CXCR5: variants seen among roughly 807,000 people sequenced by gnomAD.
The protein encoded by CXCR5 is C-X-C chemokine receptor type 5.
A neutral mutation model predicts 5.6 loss-of-function variants in CXCR5; 3 were observed. That is an observed-to-expected ratio of 0.54 (90% confidence interval 0.24 to 1.39). The LOEUF is 1.39. CXCR5 is among the 40% of genes most tolerant of loss of function. The pLI is 0.16. For synonymous variants in CXCR5, 218 were observed against 219.9 expected, an observed-to-expected ratio of 0.99 and a Z score of 0.08; for missense variants, 333 against 494.6, an observed-to-expected ratio of 0.67 and a Z score of 3.10.
Position 118,894,117 on chromosome 11 carries a change from C to T in CXCR5, c.573C>T (p.Ser191=). The part of the protein sequence containing the change: ...ALPEILFAKV[S]QGHHNNSLPR... ...CAGAGATTCTCTTCGCCAAAGTCAG[C>T]CAAGGCCATCACAACAACTCCCTGC... The change falls in exon 2 of 2, where the codon AGC becomes AGT. Residue 191 remains serine (S), a synonymous_variant. Coordinates refer to ENST00000292174, the MANE Select transcript of CXCR5 (RefSeq NM_001716.5). The surrounding 1 kb of genome is among the most constrained non-coding windows in gnomAD (Gnocchi z 6.1). 1 of 1,614,044 alleles carries T rather than the reference C, an allele frequency of 6.2e-7. No homozygotes were observed. The highest frequency in any genetic ancestry group is 8.5e-7 in the Non-Finnish European group (1 of 1,180,040).
chr11:118,886,454 A>G (rs1433354299), intron 1 of CXCR5: 1 of 410,118 alleles, frequency 2.4e-6, no homozygotes, highest in African/African-American at 2.2e-5. Context: ...GCCGCTTAAA[A>G]TGTCCACTTC....
Position 118,894,825 on chromosome 11 carries a change from A to G in CXCR5, c.*162A>G. The G allele has an allele frequency of 1.6e-6, 1 of 609,004 alleles. No individual in the cohort carries two copies. The highest frequency in any genetic ancestry group is 2.6e-6 in the Non-Finnish European group (1 of 388,568). The allele number at this position is 609,004 out of a possible 1,614,324, so 37.7% of individuals were successfully genotyped here. A position where few individuals can be genotyped will look rare whatever the true frequency, so the allele number is the denominator to read the frequency against. On this transcript the variant is annotated 3_prime_UTR_variant, in exon 2 of 2. Coordinates refer to ENST00000292174, the MANE Select transcript of CXCR5 (RefSeq NM_001716.5). The surrounding 1 kb of genome is among the most constrained non-coding windows in gnomAD (Gnocchi z 6.1). ...AGAGGAACCAACCCCCATTTCTAGA[A>G]CATCCCTGCCAGCTCTTCTGCCGGC... is the stretch of plus-strand genomic sequence containing the variant.
At chr11:118,890,454 C>T (rs1039141148) in intron 1 of CXCR5, among the ~76,000 whole-genome samples, 1 of 151,852 alleles carries the variant, frequency 6.6e-6, no homozygotes, top group African/African-American at 2.4e-5. Context: ...AAGAGGGGAG[C>T]CGGGAAGGAT....
At chr11:118,890,675 G>A (rs1298378196) in intron 1 of CXCR5, among the ~76,000 whole-genome samples, 6 of 152,198 alleles carry the variant, frequency 3.9e-5, no homozygotes, top group Non-Finnish European at 7.3e-5. Context: ...ATACATTTGG[G>A]AAGAACATAA....
intron 1 of CXCR5, among the ~76,000 whole-genome samples, chr11:118,891,392 C>T (rs1303047853): frequency 6.6e-6 from 1 of 151,802 alleles, no homozygotes; most frequent in Non-Finnish European, 1.5e-5. Context: ...CAGGCTGGAG[C>T]GTAGCAGCAT....
chr11:118,891,732 G>A (rs903560887), intron 1 of CXCR5, among the ~76,000 whole-genome samples: 11 of 151,996 alleles, frequency 7.2e-5, no homozygotes, highest in Non-Finnish European at 1.6e-4. Context: ...TTACCTAGGT[G>A]TGGTGGCAGA....
chr11:118,894,343 A>G lies in CXCR5; in HGVS notation c.799A>G (p.Ile267Val). ...AVRVAILVTSIFFLCWSPYHI... is the reference protein window; with the variant it reads ...AVRVAILVTSVFFLCWSPYHI... ...CAGGGTGGCCATCCTGGTGACAAGCATCTTCTTCCTCTGCTGGTCACCCTA... is the reference window on the plus strand; with the variant it reads ...CAGGGTGGCCATCCTGGTGACAAGCGTCTTCTTCCTCTGCTGGTCACCCTA... The change falls in exon 2 of 2, where the codon ATC becomes GTC. Residue 267 changes from isoleucine to valine, a missense_variant. Physicochemically the swap from Ile to Val is conservative, Grantham distance 29. Transcript: ENST00000292174. The surrounding 1 kb of genome is among the most constrained non-coding windows in gnomAD (Gnocchi z 6.1). The G allele has an allele frequency of 1.2e-6, 2 of 1,614,168 alleles. No individual in the cohort carries two copies. Among genetic ancestry groups the G allele is most frequent in the Admixed American group, 3.3e-5 (2 of 60,028 alleles).
intron 1 of CXCR5, among the ~76,000 whole-genome samples, chr11:118,888,508 GACCA>G (rs1218286462): frequency 6.6e-6 from 1 of 152,116 alleles, no homozygotes; most frequent in Non-Finnish European, 1.5e-5. Context: ...TCCTTGTCCA[GACCA>G]ACCAAACTGG....
chr11:118,884,775 A>G (rs971351977), intron 1 of CXCR5, among the ~76,000 whole-genome samples: 3 of 152,164 alleles, frequency 2.0e-5, no homozygotes, highest in Non-Finnish European at 2.9e-5. Context: ...TCTCCAGTGA[A>G]GCGTAGTGGT....
intron 1 of CXCR5, among the ~76,000 whole-genome samples, chr11:118,890,847 A>C (rs557386400): frequency 3.8e-4 from 58 of 152,062 alleles, no homozygotes; most frequent in African/African-American, 1.4e-3. Flanking sequence ...CCCCAACACC[A>C]CTCCCCACTC....
intron 1 of CXCR5, 27 bp downstream of exon 1, chr11:118,884,019 C>A: frequency 1.2e-6 from 2 of 1,608,334 alleles, no homozygotes; most frequent in Non-Finnish European, 1.7e-6. Context: ...AGCTTCCTGT[C>A]GCCGAGGCCC....
chr11:118,894,333 G>A lies in CXCR5; in HGVS notation c.789G>A (p.Leu263=). The A allele has an allele frequency of 6.2e-7, 1 of 1,614,174 alleles. No individual in the cohort carries two copies. Among genetic ancestry groups the A allele is most frequent in the Non-Finnish European group, 8.5e-7 (1 of 1,180,034 alleles). ...QRQKAVRVAI[L]VTSIFFLCWS... The stretch of plus-strand genomic sequence containing the variant: ...AGAAGGCAGTCAGGGTGGCCATCCT[G>A]GTGACAAGCATCTTCTTCCTCTGCT... The change falls in exon 2 of 2, where the codon CTG becomes CTA. Residue 263 remains leucine, a synonymous_variant. Coordinates refer to ENST00000292174, the MANE Select transcript of CXCR5 (RefSeq NM_001716.5). The surrounding 1 kb of genome is among the most constrained non-coding windows in gnomAD (Gnocchi z 6.1).
At chr11:118,885,166 G>T (rs561604602) in intron 1 of CXCR5, among the ~76,000 whole-genome samples, 2 of 152,306 alleles carry the variant, frequency 1.3e-5, no homozygotes, top group East Asian at 3.9e-4. Flanking sequence ...AGGCTGGGAA[G>T]TGTAAGTAGG....
At position 118,894,781 on chromosome 11, in the gene CXCR5, A is replaced by G. The variant is rs1416745820; in HGVS notation, c.*118A>G. ...CCGTGGCTAAGAGTGTCCTAGGAGT[A>G]TCCTCATTTGGGGTAGCTAGAGGAA... On this transcript the variant is annotated 3_prime_UTR_variant, in exon 2 of 2. Transcript: ENST00000292174. The surrounding 1 kb of genome is among the most constrained non-coding windows in gnomAD (Gnocchi z 6.1). 3 of 995,376 alleles carry G rather than the reference A, an allele frequency of 3.0e-6. No homozygotes were observed. Among genetic ancestry groups the G allele is most frequent in the Non-Finnish European group, 4.1e-6 (3 of 727,250 alleles). The allele number at this position is 995,376 out of a possible 1,614,324, so 61.7% of individuals were successfully genotyped here.
intron 1 of CXCR5, chr11:118,887,455 T>C (rs1196049993): frequency 1.0e-6 from 1 of 985,166 alleles, no homozygotes; most frequent in African/African-American, 1.7e-5. Flanking sequence ...AAAGACTTGC[T>C]GCAGAGGCTT....
intron 1 of CXCR5, chr11:118,886,112 G>A (rs1342356081): frequency 3.0e-6 from 1 of 338,154 alleles, no homozygotes; most frequent in African/African-American, 2.2e-5. Flanking sequence ...GGTACAGGCA[G>A]GAGAATCTTG....
chr11:118,893,735 T>A lies in CXCR5; in HGVS notation c.191T>A (p.Leu64Gln). 1.2e-6 allele frequency: 2 copies of A among 1,614,218 alleles called. No individual in the cohort carries two copies. Among genetic ancestry groups the A allele is most frequent in the Non-Finnish European group, 1.7e-6 (2 of 1,180,036 alleles). The change falls in exon 2 of 2, where the codon CTG becomes CAG. Residue 64 changes from leucine to glutamine, a missense_variant. Transcript: ENST00000292174. The surrounding 1 kb of genome is among the most constrained non-coding windows in gnomAD (Gnocchi z 5.7). Reference sequence around the variant, plus strand: ...GTGGCCTACAGCCTCATCTTCCTCCTGGGCGTGATCGGCAACGTCCTGGTG... The same window carrying A: ...GTGGCCTACAGCCTCATCTTCCTCCAGGGCGTGATCGGCAACGTCCTGGTG... ...VPVAYSLIFL[L>Q]GVIGNVLVLV...
chr11:118,893,424 GA>G lies in CXCR5; in HGVS notation c.52-167del, dbSNP rs1489094087. The G allele has an allele frequency of 1.0e-6, 1 of 985,418 alleles. No homozygotes were observed. Among genetic ancestry groups the G allele is most frequent in the Non-Finnish European group, 1.2e-6 (1 of 829,942 alleles). The allele number at this position is 985,418 out of a possible 1,614,324, so 61.0% of individuals were successfully genotyped here. A position where few individuals can be genotyped will look rare whatever the true frequency, so the allele number is the denominator to read the frequency against. Reference sequence around the variant, plus strand: ...AAGGAATGCGGTCCCTTTGACAGGCGAAAAACTGAAGTTGGAAAAGACAAAG... The same window carrying G: ...AAGGAATGCGGTCCCTTTGACAGGCGAAAACTGAAGTTGGAAAAGACAAAG... On this transcript the variant is annotated intron_variant, in intron 1 of 1. Coordinates refer to ENST00000292174, the MANE Select transcript of CXCR5 (RefSeq NM_001716.5). This position sits in a 1 kb window ranked among gnomAD's most constrained non-coding sequence, Gnocchi z 5.7.
In CXCR5 at chr11:118,896,082, G is replaced by C. The variant is rs890438954; in HGVS notation, c.*1419G>C. On this transcript the variant is annotated 3_prime_UTR_variant, in exon 2 of 2. Transcript: ENST00000292174. The stretch of plus-strand genomic sequence containing the variant: ...CCCTTTTTTCTCTGAGTATCTCCTC[G>C]CAAGCTGGGTAATCGATGGGGGAGT... The C allele has an allele frequency of 1.2e-5, 2 of 166,982 alleles. No homozygotes were observed. The highest frequency in any genetic ancestry group is 2.9e-5 in the Non-Finnish European group (2 of 68,094). The allele number at this position is 166,982 out of a possible 1,614,324, so 10.3% of individuals were successfully genotyped here.
Sources: gnomAD v4.1 joint callset for allele counts (sites outside exome capture counted in the v4.1 genomes callset) on GRCh38, gnomAD v4.1.1 for gene constraint, Gnocchi (gnomAD v3.1) non-coding constraint, MANE v1.5 for transcripts, NCBI Gene and HGNC (gene_info 2026-07-23, HGNC 2026-07-21) for gene names.